The following LRRC4C variants were observed in gnomAD, a reference collection of about 807,000 sequenced individuals.
The protein encoded by LRRC4C is leucine rich repeat containing 4C.
LRRC4C carries 5 observed loss-of-function variants against 33.6 expected under a neutral mutation model. That is an observed-to-expected ratio of 0.15 (90% CI 0.08 to 0.31). LRRC4C has a LOEUF of 0.31. Among genes scored for constraint, LRRC4C ranks in the 10% least tolerant of loss-of-function variants. The probability of loss-of-function intolerance (pLI) is 1.00; values close to 1 mark genes in which losing one functional copy is unlikely to be tolerated. For synonymous variants in LRRC4C, 329 were observed against 302.0 expected (o/e 1.09, Z -0.93); for missense variants, 560 against 796.7 (o/e 0.70, Z 3.58).
At chr11:40,645,201 G>A (rs1044152584) in intron 3 of LRRC4C, among the ~76,000 whole-genome samples, 5 of 152,116 alleles carry the variant, frequency 3.3e-5, no homozygotes, top group Non-Finnish European at 7.4e-5. Context: ...AATGGCACTT[G>A]ACCAAAAGTC....
intron 1 of LRRC4C, among the ~76,000 whole-genome samples, chr11:41,130,855 C>T (rs1942979014): frequency 1.3e-5 from 2 of 152,042 alleles, no homozygotes; most frequent in Admixed American, 6.6e-5. Context: ...ATTGTCTCTC[C>T]TCCAACCAAT....
chr11:40,130,657 G>A (rs148644065), intron 6 of LRRC4C, among the ~76,000 whole-genome samples: 361 of 152,190 alleles, frequency 2.4e-3, no homozygotes, highest in African/African-American at 8.3e-3. Context: ...ACTGCCAAAT[G>A]TCCCCTGGGG....
chr11:40,430,494 G>A (rs1049547395), intron 3 of LRRC4C, among the ~76,000 whole-genome samples: 3 of 151,962 alleles, frequency 2.0e-5, no homozygotes, highest in African/African-American at 4.8e-5. Flanking sequence ...GTAAAGGAAC[G>A]GCAAGATTTA....
chr11:40,651,797 C>T (rs1164573333), intron 2 of LRRC4C, among the ~76,000 whole-genome samples: 2 of 152,214 alleles, frequency 1.3e-5, no homozygotes, highest in Non-Finnish European at 2.9e-5. Context: ...TGACTTCCTT[C>T]TCCACTGTGG....
intron 2 of LRRC4C, among the ~76,000 whole-genome samples, chr11:40,773,794 T>G (rs1468806052): frequency 1.3e-5 from 2 of 152,042 alleles, no homozygotes; most frequent in South Asian, 2.1e-4. Flanking sequence ...ATAATATATG[T>G]TTATAACTGT....
intron 1 of LRRC4C, among the ~76,000 whole-genome samples, chr11:41,170,503 GA>G (rs1048966263): frequency 1.2e-4 from 18 of 152,150 alleles, no homozygotes; most frequent in African/African-American, 4.3e-4. Flanking sequence ...AAGAAATGGG[GA>G]AAGGATTCCT....
intron 1 of LRRC4C, among the ~76,000 whole-genome samples, chr11:41,448,651 C>CTTATACACAAG (rs1489591722): frequency 6.6e-6 from 1 of 152,150 alleles, no homozygotes; most frequent in African/African-American, 2.4e-5. Flanking sequence ...CATGCAAACA[C>CTTATACACAAG]AGAAACCCTA....
chr11:41,427,123 T>C (rs1383050383), intron 1 of LRRC4C, among the ~76,000 whole-genome samples: 1 of 152,192 alleles, frequency 6.6e-6, no homozygotes, highest in African/African-American at 2.4e-5. Flanking sequence ...GATGATGACT[T>C]AGGTGATGAC....
At chr11:41,267,189 A>T (rs545036176) in intron 1 of LRRC4C, among the ~76,000 whole-genome samples, 1 of 152,252 alleles carries the variant, frequency 6.6e-6, no homozygotes, top group East Asian at 1.9e-4. Flanking sequence ...GTAGTTTATC[A>T]GTACATATTT....
At chr11:40,562,495 G>A (rs1475850624) in intron 3 of LRRC4C, among the ~76,000 whole-genome samples, 1 of 150,498 alleles carries the variant, frequency 6.6e-6, no homozygotes, top group Non-Finnish European at 1.5e-5. Context: ...GACCTATAAA[G>A]TAGGTAATAC....
intron 2 of LRRC4C, among the ~76,000 whole-genome samples, chr11:40,907,058 C>T (rs552134781): frequency 6.6e-6 from 1 of 152,250 alleles, no homozygotes; most frequent in African/African-American, 2.4e-5. Flanking sequence ...GGCTTGTTTT[C>T]AGTCCAGCAA....
At chr11:41,188,406 A>G (rs1483307902) in intron 1 of LRRC4C, among the ~76,000 whole-genome samples, 1 of 152,266 alleles carries the variant, frequency 6.6e-6, no homozygotes, top group East Asian at 1.9e-4. Flanking sequence ...CGTAACAAGG[A>G]AGACTGAATA....
chr11:40,615,171 C>A (rs1200081761), intron 3 of LRRC4C, among the ~76,000 whole-genome samples: 2 of 149,054 alleles, frequency 1.3e-5, no homozygotes, highest in Non-Finnish European at 3.0e-5. Flanking sequence ...TACGGAAAAC[C>A]TTCTGGTTCT....
intron 6 of LRRC4C, among the ~76,000 whole-genome samples, chr11:40,118,249 A>G (rs1855579409): frequency 6.7e-6 from 1 of 149,118 alleles, no homozygotes; most frequent in African/African-American, 2.4e-5. Context: ...TATTAACAAT[A>G]AATTAATATA....
intron 3 of LRRC4C, among the ~76,000 whole-genome samples, chr11:40,330,661 AG>A (rs1312912720): frequency 6.6e-6 from 1 of 152,116 alleles, no homozygotes; most frequent in African/African-American, 2.4e-5. Flanking sequence ...AGCTGAGCAA[AG>A]GGGGAAAAGC....
chr11:40,845,127 CT>C (rs923196467), intron 2 of LRRC4C, among the ~76,000 whole-genome samples: 2 of 151,428 alleles, frequency 1.3e-5, no homozygotes, highest in African/African-American at 4.9e-5. Context: ...TTCATAATCT[CT>C]TTTTTCTTTT....
intron 3 of LRRC4C, among the ~76,000 whole-genome samples, chr11:40,448,935 G>A (rs536158766): frequency 8.9e-4 from 136 of 152,138 alleles, no homozygotes; most frequent in Admixed American, 1.7e-3. Context: ...TTTAATGATC[G>A]CCATTCTAAC....
At chr11:40,765,139 C>A (rs1364218032) in intron 2 of LRRC4C, among the ~76,000 whole-genome samples, 2 of 152,152 alleles carry the variant, frequency 1.3e-5, no homozygotes, top group Non-Finnish European at 2.9e-5. Flanking sequence ...AGTTCTGTAT[C>A]CCCACCCAAA....
chr11:40,500,490 C>T (rs1954706806), intron 3 of LRRC4C, among the ~76,000 whole-genome samples: 1 of 151,832 alleles, frequency 6.6e-6, no homozygotes, highest in Non-Finnish European at 1.5e-5. Flanking sequence ...AATGGTGTCA[C>T]AGTTCCACGT....
Sources: allele counts gnomAD v4.1 joint callset (sites outside exome capture counted in the v4.1 genomes callset), GRCh38; gene constraint gnomAD v4.1.1; transcripts MANE v1.5; gene names NCBI Gene and HGNC (gene_info 2026-07-23, HGNC 2026-07-21).